The following ADAM18 variants were observed in gnomAD, a reference collection of about 807,000 sequenced individuals.
ADAM18 encodes ADAM metallopeptidase domain 18.
Under a neutral mutation model 94.4 loss-of-function variants are expected in ADAM18, and 117 were observed. The ratio of observed to expected loss-of-function variants is 1.24; its 90% CI spans 1.07 to 1.45. The LOEUF (loss-of-function observed/expected upper bound fraction) is 1.45, where lower values mean the gene tolerates loss of function less well. Ranked by LOEUF, ADAM18 falls within the 40% of genes most tolerant of loss-of-function variation. The pLI, the probability that ADAM18 is intolerant of heterozygous loss-of-function variation, is 0.00. For missense variants in ADAM18, 936 were observed against 880.0 expected, an observed-to-expected ratio of 1.06 and a Z score of -0.81; for synonymous variants, 327 against 291.6, an observed-to-expected ratio of 1.12 and a Z score of -1.24.
At chr8:39,599,333 G>C (rs566274519) in intron 2 of ADAM18, among the ~76,000 whole-genome samples, 3 of 152,140 alleles carry the variant, frequency 2.0e-5, no homozygotes, top group African/African-American at 7.2e-5. Flanking sequence ...TGTTGAATAA[G>C]ATTTGCTAAT....
chr8:39,669,373 TTA>T (rs918809915), intron 14 of ADAM18, among the ~76,000 whole-genome samples: 1 of 151,522 alleles, frequency 6.6e-6, no homozygotes, highest in Non-Finnish European at 1.5e-5. Flanking sequence ...TGCAGGTTTG[TTA>T]TATATGTATA....
rs1265825115 is a variant in ADAM18 at position 39,658,325 on chromosome 8, C to G, written c.1231-5470C>G. On this transcript the variant is annotated intron_variant, in intron 12 of 19. Transcript: ENST00000265707. ...TTCGCAGGTGTGATTAAGTTAAAGA[C>G]CTTGTGATGGAGACAATATACCACA... Among the ~76,000 whole-genome samples, 4 of 152,052 alleles carry G rather than the reference C, an allele frequency of 2.6e-5. No individual in the cohort carries two copies. In the East Asian group the frequency reaches 5.8e-4, roughly 22 times the overall value.
intron 2 of ADAM18, among the ~76,000 whole-genome samples, chr8:39,593,081 C>G (rs779652694): frequency 2.6e-5 from 4 of 152,176 alleles, no homozygotes; most frequent in African/African-American, 4.8e-5. Flanking sequence ...CATGAACCAA[C>G]CTCTGTTAGC....
intron 6 of ADAM18, among the ~76,000 whole-genome samples, chr8:39,617,566 A>G (rs1819480222): frequency 6.6e-6 from 1 of 152,218 alleles, no homozygotes; most frequent in Non-Finnish European, 1.5e-5. Flanking sequence ...TATTCACAGT[A>G]GCAAAGACAT....
At chr8:39,642,373 A>G (rs1370257872) in intron 10 of ADAM18, among the ~76,000 whole-genome samples, 1 of 152,098 alleles carries the variant, frequency 6.6e-6, no homozygotes, top group Non-Finnish European at 1.5e-5. Flanking sequence ...CTTGTCTTCC[A>G]GGGATTTTAT....
rs112478883 is a variant in ADAM18, at chr8:39,591,722, A to G, written c.132+6370A>G. Reference sequence around the variant, plus strand: ...AGTGTTGATATCTTAACCTCTTTCCATGAATCGTGAATTGTCTTAATGACA... The same window carrying G: ...AGTGTTGATATCTTAACCTCTTTCCGTGAATCGTGAATTGTCTTAATGACA... On this transcript the variant is annotated intron_variant, in intron 2 of 19. Transcript: ENST00000265707. Among the ~76,000 whole-genome samples the G allele has an allele frequency of 1.6e-3, 241 of 152,304 alleles. 2 individuals are homozygous for G. Among genetic ancestry groups the G allele is most frequent in the African/African-American group, 5.7e-3 (235 of 41,566 alleles).
At chr8:39,725,537 C>T (rs1459672376) in intron 19 of ADAM18, among the ~76,000 whole-genome samples, 2 of 152,156 alleles carry the variant, frequency 1.3e-5, no homozygotes, top group Non-Finnish European at 2.9e-5. Flanking sequence ...CTACTCTCTG[C>T]TTCTATGAAT....
At chr8:39,727,588 G>A (rs746425703) in intron 19 of ADAM18, among the ~76,000 whole-genome samples, 17 of 152,132 alleles carry the variant, frequency 1.1e-4, no homozygotes, top group Admixed American at 3.3e-4. Context: ...CTGCCAAGGC[G>A]TAACACACAT....
At chr8:39,645,623 T>A in intron 11 of ADAM18, 149 bp downstream of exon 11, 1 of 732,558 alleles carries the variant, frequency 1.4e-6, no homozygotes, top group South Asian at 2.0e-5. Flanking sequence ...AAATTATGTA[T>A]ACTTAGGGAT....
At chr8:39,626,897 T>C (rs908634085) in intron 6 of ADAM18, among the ~76,000 whole-genome samples, 2 of 152,156 alleles carry the variant, frequency 1.3e-5, no homozygotes, top group Admixed American at 6.6e-5. Flanking sequence ...AGTTTGTAAA[T>C]ATGTGTTAGG....
intron 18 of ADAM18, among the ~76,000 whole-genome samples, chr8:39,709,748 T>G (rs75912878): frequency 6.6e-6 from 1 of 152,220 alleles, no homozygotes; most frequent in South Asian, 2.1e-4. Flanking sequence ...TGAAAATTAC[T>G]GGAAAGCAGT....
At chr8:39,674,052 C>A (rs565822973) in intron 14 of ADAM18, among the ~76,000 whole-genome samples, 73 of 152,198 alleles carry the variant, frequency 4.8e-4, no homozygotes, top group African/African-American at 1.7e-3. Flanking sequence ...ATTTTGTGGT[C>A]AATTTTAGAA....
chr8:39,726,481 A>G (rs1390646638), intron 19 of ADAM18, among the ~76,000 whole-genome samples: 1 of 152,008 alleles, frequency 6.6e-6, no homozygotes, highest in African/African-American at 2.4e-5. Context: ...TAGTTTGCAA[A>G]TACTTTGTCT....
chr8:39,613,519 A>G (rs1284084469), intron 6 of ADAM18, among the ~76,000 whole-genome samples: 1 of 152,184 alleles, frequency 6.6e-6, no homozygotes, highest in Non-Finnish European at 1.5e-5. Context: ...ATCAACCCAC[A>G]CAGATCAGGA....
chr8:39,591,326 C>T (rs1818564707), intron 2 of ADAM18, among the ~76,000 whole-genome samples: 1 of 152,168 alleles, frequency 6.6e-6, no homozygotes, highest in African/African-American at 2.4e-5. Flanking sequence ...TGTTTGATAG[C>T]ATTTTACCCA....
chr8:39,653,829 G>A (rs1482272026), intron 12 of ADAM18, among the ~76,000 whole-genome samples: 4 of 152,148 alleles, frequency 2.6e-5, no homozygotes, highest in East Asian at 1.9e-4. Flanking sequence ...TGTTGGGAAC[G>A]TTACAATTCT....
At chr8:39,604,888 C>T (rs928831168) in intron 2 of ADAM18, among the ~76,000 whole-genome samples, 1 of 152,050 alleles carries the variant, frequency 6.6e-6, no homozygotes, top group African/African-American at 2.4e-5. Flanking sequence ...TTGTTATTGT[C>T]CCTTCTTGGT....
intron 18 of ADAM18, among the ~76,000 whole-genome samples, chr8:39,716,703 G>A (rs1822589495): frequency 6.6e-6 from 1 of 151,922 alleles, no homozygotes; most frequent in South Asian, 2.1e-4. Context: ...GTGTATGTAT[G>A]TTAGGTCCAT....
At chr8:39,589,716 T>C (rs1818517049) in intron 2 of ADAM18, among the ~76,000 whole-genome samples, 1 of 152,084 alleles carries the variant, frequency 6.6e-6, no homozygotes, top group Admixed American at 6.5e-5. Flanking sequence ...TTTTGTAACA[T>C]GTTTAAAAAT....
Sources: allele counts gnomAD v4.1 joint callset (sites outside exome capture counted in the v4.1 genomes callset), GRCh38; gene constraint gnomAD v4.1.1; transcripts MANE v1.5; gene names NCBI Gene and HGNC (gene_info 2026-07-23, HGNC 2026-07-21).